HAX1: variants seen among roughly 807,000 people sequenced by gnomAD.
HAX1 encodes the protein HCLS1-associated protein X-1.
A neutral mutation model predicts 31.1 loss-of-function variants in HAX1; 27 were observed. The ratio of observed to expected loss-of-function variants is 0.87; its 90% CI spans 0.64 to 1.20. The LOEUF is 1.20. HAX1 is among the 50% of genes most tolerant of loss of function. The pLI is 0.00. For missense variants in HAX1, 357 were observed against 361.6 expected (o/e 0.99, Z 0.10); for synonymous variants, 114 against 124.1 (o/e 0.92, Z 0.54).
intron 1 of HAX1, 160 bp from the exon 2 acceptor site, chr1:154,273,176 T>A: frequency 1.5e-6 from 1 of 687,094 alleles, no homozygotes; most frequent in South Asian, 1.8e-5. Flanking sequence ...AAAAAAGAAC[T>A]GTCAGCCATT....
Position 154,275,006 on chromosome 1 carries a change from GT to G in HAX1, c.556+6del. 1 of 1,606,432 alleles carries G rather than the reference GT, an allele frequency of 6.2e-7. No homozygotes were observed. Among genetic ancestry groups the G allele is most frequent in the Non-Finnish European group, 8.5e-7 (1 of 1,172,982 alleles). The stretch of plus-strand genomic sequence containing the variant: ...CTAGAACCAGAGAGGACAATGGTAA[GT>G]CTGGAGGAAGGGGAAGTTTACCAGC... On this transcript the variant is annotated splice_donor_region_variant and intron_variant, in intron 4 of 6. Transcript: ENST00000328703.
rs2149138547 is a variant in HAX1 at position 154,272,753 on chromosome 1, T to C, written c.30T>C (p.Phe10=). 1.9e-6 allele frequency: 3 copies of C among 1,614,210 alleles called. No individual in the cohort carries two copies. In the South Asian group the frequency reaches 3.3e-5, roughly 18 times the overall value. The change falls in exon 1 of 7, where the codon TTT becomes TTC. Residue 10 remains phenylalanine (F), a synonymous_variant. Coordinates refer to ENST00000328703, the MANE Select transcript of HAX1 (RefSeq NM_006118.4). ...GCCTCTTTGATCTCTTCCGGGGCTT[T>C]TTCGGCTTTCCTGGACCTCGGAGGT... The part of the protein sequence containing the change: MSLFDLFRG[F]FGFPGPRSHR...
rs546841133 is a variant in HAX1 at position 154,275,162 on chromosome 1, T to G, written c.565T>G (p.Ser189Ala). The change falls in exon 5 of 7, where the codon TCC becomes GCC. Residue 189 changes from serine (S) to alanine (A), a missense_variant. Physicochemically the swap from Ser to Ala is moderately conservative, Grantham distance 99. Coordinates refer to ENST00000328703, the MANE Select transcript of HAX1 (RefSeq NM_006118.4). Reference sequence around the variant, plus strand: ...TCTCTCTGCTCTTCCAGATCTTGATTCCCAGGTTTCCCAGGAGGGTCTTGG... The same window carrying G: ...TCTCTCTGCTCTTCCAGATCTTGATGCCCAGGTTTCCCAGGAGGGTCTTGG... ...PRTREDNDLD[S>A]QVSQEGLGPV... The G allele has an allele frequency of 1.2e-6, 2 of 1,606,022 alleles. No individual in the cohort carries two copies. The highest frequency in any genetic ancestry group is 1.3e-5 in the African/African-American group (1 of 74,770).
At chr1:154,273,219 C>A in intron 1 of HAX1, 117 bp from the exon 2 acceptor site, 1 of 1,193,064 alleles carries the variant, frequency 8.4e-7, no homozygotes, top group Non-Finnish European at 1.2e-6. Context: ...GCCAGTCCTC[C>A]GACCCTCTCC....
At chr1:154,273,150 TAAAAAAAAA>T (rs373573437) in intron 1 of HAX1, 177 bp from the exon 2 acceptor site, 4 of 516,698 alleles carry the variant, frequency 7.7e-6, no homozygotes, top group South Asian at 2.1e-5. Context: ...TGACTTTGAT[TAAAAAAAAA>T]AAAAAAAAAA....
chr1:154,274,930 T>C lies in HAX1; in HGVS notation c.505-20T>C, dbSNP rs765259799. On this transcript the variant is annotated intron_variant, in intron 3 of 6. Coordinates refer to ENST00000328703, the MANE Select transcript of HAX1 (RefSeq NM_006118.4). ...TCAGATTGGAAGGAGTCTTTTCACTTACTATGGTTTCTTCTGCAGTTTGAT... is the reference window on the plus strand; with the variant it reads ...TCAGATTGGAAGGAGTCTTTTCACTCACTATGGTTTCTTCTGCAGTTTGAT... The C allele has an allele frequency of 4.4e-6, 7 of 1,594,814 alleles. No individual in the cohort carries two copies. The Admixed American group carries it at 1.2e-4, about 27-fold the overall frequency.
intron 2 of HAX1, 49 bp from the exon 3 acceptor site, chr1:154,273,725 G>C: frequency 2.5e-6 from 4 of 1,609,554 alleles, no homozygotes; most frequent in Non-Finnish European, 2.6e-6. Context: ...GAGATTAATA[G>C]AGCCCAAGTC....
chr1:154,274,055 C>T (rs1431691257), intron 3 of HAX1, 94 bp downstream of exon 3: 5 of 1,190,810 alleles, frequency 4.2e-6, no homozygotes, highest in African/African-American at 3.0e-5. Flanking sequence ...CGCCTGTAAT[C>T]CCAGCACTTT....
rs2149140052 is a variant in HAX1 at position 154,273,943 on chromosome 1, C to T, written c.486C>T (p.Ser162=). 2.5e-6 allele frequency: 4 copies of T among 1,613,930 alleles called. No homozygotes were observed. The highest frequency in any genetic ancestry group is 1.7e-4 in the Middle Eastern group (1 of 6,060). The part of the protein sequence containing the change: ...ESPQPAPDWG[S]QRPFHRFDDV... The stretch of plus-strand genomic sequence containing the variant: ...CCCAACCAGCACCAGACTGGGGCTC[C>T]CAGAGGCCATTTCATAGGGTGAGTA... The change falls in exon 3 of 7, where the codon TCC becomes TCT. Residue 162 remains serine (S), a synonymous_variant. Coordinates refer to ENST00000328703, the MANE Select transcript of HAX1 (RefSeq NM_006118.4).
rs1684875907 is a variant in HAX1 at position 154,273,838 on chromosome 1, C to T, written c.381C>T (p.Asp127=). 3.7e-6 allele frequency: 6 copies of T among 1,613,986 alleles called. No homozygotes were observed. Among genetic ancestry groups the T allele is most frequent in the Admixed American group, 1.7e-5 (1 of 59,988 alleles). The part of the protein sequence containing the change: ...ERLREGQTLR[D]SMLKYPDSHQ... ...TACGGGAGGGACAGACACTTCGGGACTCAATGCTTAAGTATCCAGATAGTC... is the reference window on the plus strand; with the variant it reads ...TACGGGAGGGACAGACACTTCGGGATTCAATGCTTAAGTATCCAGATAGTC... The change falls in exon 3 of 7, where the codon GAC becomes GAT. Residue 127 remains aspartate, a synonymous_variant. Coordinates refer to ENST00000328703, the MANE Select transcript of HAX1 (RefSeq NM_006118.4).
Position 154,275,833 on chromosome 1 carries a change from GTCAC to G in HAX1, c.*137_*140del, listed in dbSNP as rs1378712847. On this transcript the variant is annotated 3_prime_UTR_variant, in exon 7 of 7. Coordinates refer to ENST00000328703, the MANE Select transcript of HAX1 (RefSeq NM_006118.4). Reference sequence around the variant, plus strand: ...TAGTGAACTGGGGCCATGTCAGTTTGTCACTCACCCAAACTGACCAATAAAACCT... The same window carrying G: ...TAGTGAACTGGGGCCATGTCAGTTTGTCACCCAAACTGACCAATAAAACCT... The G allele has an allele frequency of 6.9e-6, 5 of 722,074 alleles. No homozygotes were observed. Among genetic ancestry groups the G allele is most frequent in the Admixed American group, 6.1e-5 (3 of 49,402 alleles). 44.7% of individuals were successfully genotyped at this position (722,074 alleles called of 1,614,324 possible).
At position 154,272,641 on chromosome 1, in the gene HAX1, A is replaced by T. The variant is rs1410981306; in HGVS notation, c.-83A>T. ...GGTAGCGTGGGCTGACGCCTCGCTC[A>T]ATTTCTCACAGGGCTGCGCAGGTTT... On this transcript the variant is annotated 5_prime_UTR_variant, in exon 1 of 7. Coordinates refer to ENST00000328703, the MANE Select transcript of HAX1 (RefSeq NM_006118.4). 57 of 1,425,840 alleles carry T rather than the reference A, an allele frequency of 4.0e-5. No individual in the cohort carries two copies. The highest frequency in any genetic ancestry group is 5.5e-5 in the Non-Finnish European group (56 of 1,013,304). 88.3% of individuals were successfully genotyped at this position (1,425,840 alleles called of 1,614,324 possible).
At chr1:154,273,997 T>A in intron 3 of HAX1, 36 bp downstream of exon 3, 1 of 1,571,426 alleles carries the variant, frequency 6.4e-7, no homozygotes. Flanking sequence ...TGAGAGCTTG[T>A]GAGAGACCAC....
At position 154,275,782 on chromosome 1, in the gene HAX1, C is replaced by T; in HGVS notation, c.*81C>T. ...CATTAATAAGCTTAGCTTCTCTTGC[C>T]ACCTCAGGGGCTTGGATATGTGGAA... On this transcript the variant is annotated 3_prime_UTR_variant, in exon 7 of 7. Transcript: ENST00000328703. 2 of 922,398 alleles carry T rather than the reference C, an allele frequency of 2.2e-6. No homozygotes were observed. The highest frequency in any genetic ancestry group is 3.6e-6 in the Non-Finnish European group (2 of 561,608). The allele number at this position is 922,398 out of a possible 1,614,324, so 57.1% of individuals were successfully genotyped here. A position where few individuals can be genotyped will look rare whatever the true frequency, so the allele number is the denominator to read the frequency against.
chr1:154,274,405 C>A (rs150379136), intron 3 of HAX1, among the ~76,000 whole-genome samples: 1 of 152,084 alleles, frequency 6.6e-6, no homozygotes, highest in Non-Finnish European at 1.5e-5. Context: ...CTGCCAAACG[C>A]CCAGCTAATT....
chr1:154,272,974 C>G (rs1684828968), intron 1 of HAX1, 198 bp downstream of exon 1: 1 of 643,560 alleles, frequency 1.6e-6, no homozygotes, highest in African/African-American at 1.8e-5. Context: ...CTAAGCCTTT[C>G]TCCAACCTGG....
chr1:154,275,095 G>T (rs755550582), intron 4 of HAX1, 59 bp from the exon 5 acceptor site: 3 of 1,436,324 alleles, frequency 2.1e-6, no homozygotes, highest in Non-Finnish European at 9.8e-7. Context: ...CTGTACACTT[G>T]TCTCCTTTTT....
At position 154,274,976 on chromosome 1, in the gene HAX1, C is replaced by G; in HGVS notation, c.531C>G (p.Pro177=). ...HRFDDVWPMD[P]HPRTREDNDL... ...TTGATGATGTATGGCCTATGGACCC[C>G]CATCCTAGAACCAGAGAGGACAATG... Residue 177 remains proline (P), a synonymous_variant, in exon 4 of 7, where the codon CCC becomes CCG. Transcript: ENST00000328703. The G allele has an allele frequency of 6.2e-7, 1 of 1,611,638 alleles. No individual in the cohort carries two copies. The highest frequency in any genetic ancestry group is 1.1e-5 in the South Asian group (1 of 91,010).
chr1:154,273,565 A>G lies in HAX1; in HGVS notation c.283A>G (p.Met95Val), dbSNP rs1446365850. Reference protein sequence around the residue: ...VRDFNSIFSDMGAWTLPSHPP... With the variant: ...VRDFNSIFSDVGAWTLPSHPP... The stretch of plus-strand genomic sequence containing the variant: ...AGATTTCAATAGCATCTTCAGCGAT[A>G]TGGGGGCCTGGACCTTGCCTTCCCA... The change falls in exon 2 of 7, where the codon ATG becomes GTG. Residue 95 changes from methionine to valine, a missense_variant. Physicochemically the swap from Met to Val is conservative, Grantham distance 21 (BLOSUM62 1). Coordinates refer to ENST00000328703, the MANE Select transcript of HAX1 (RefSeq NM_006118.4). 3.7e-6 allele frequency: 6 copies of G among 1,614,012 alleles called. No individual in the cohort carries two copies. In the African/African-American group the frequency reaches 5.3e-5, roughly 14 times the overall value.
Sources: allele counts gnomAD v4.1 joint callset (sites outside exome capture counted in the v4.1 genomes callset), GRCh38; gene constraint gnomAD v4.1.1; transcripts MANE v1.5; gene names NCBI Gene and HGNC (gene_info 2026-07-23, HGNC 2026-07-21).